The following MRPL37 variants were observed in gnomAD, a reference collection of about 807,000 sequenced individuals.
MRPL37 encodes large ribosomal subunit protein mL37.
A neutral mutation model predicts 44.1 loss-of-function variants in MRPL37; 34 were observed. That is an observed-to-expected ratio of 0.77 (90% CI 0.59 to 1.03). MRPL37 has a LOEUF of 1.03. Ranked by LOEUF, MRPL37 falls within the 50% of genes least tolerant of loss-of-function variation. MRPL37 has a pLI of 0.00. For missense variants in MRPL37, 532 were observed against 543.7 expected, an observed-to-expected ratio of 0.98 and a Z score of 0.21; for synonymous variants, 212 against 219.5, an observed-to-expected ratio of 0.97 and a Z score of 0.30.
chr1:54,210,578 C>T (rs1366437974), intron 4 of MRPL37, among the ~76,000 whole-genome samples: 1 of 152,136 alleles, frequency 6.6e-6, no homozygotes, highest in Non-Finnish European at 1.5e-5. Context: ...TTGAATGGGG[C>T]CATTAATCCA....
chr1:54,205,288 C>T lies in MRPL37; in HGVS notation c.531-7C>T. 1.9e-6 allele frequency: 3 copies of T among 1,611,730 alleles called. No homozygotes were observed. Among genetic ancestry groups the T allele is most frequent in the Non-Finnish European group, 2.5e-6 (3 of 1,178,352 alleles). ...TAAGTCCCCAAATGTCTCTTTTTGT[C>T]TTCAAGCCCGGTCATCGTGGACAAC... On this transcript the variant is annotated splice_polypyrimidine_tract_variant and splice_region_variant and intron_variant, in intron 2 of 6. Coordinates refer to ENST00000360840, the MANE Select transcript of MRPL37 (RefSeq NM_016491.4).
intron 1 of MRPL37, among the ~76,000 whole-genome samples, chr1:54,204,375 G>T (rs1644106182): frequency 1.3e-5 from 2 of 151,330 alleles, no homozygotes; most frequent in South Asian, 4.2e-4. Context: ...CAGCCTGGGC[G>T]ACAGAGCGAG....
Position 54,218,251 on chromosome 1 carries a change from C to T in MRPL37, c.*2C>T, listed in dbSNP as rs148209374. On this transcript the variant is annotated 3_prime_UTR_variant, in exon 7 of 7. Coordinates refer to ENST00000360840, the MANE Select transcript of MRPL37 (RefSeq NM_016491.4). ...CTATATTTGCATGGTGCTGCGTGAG[C>T]GGAGGACCCCTCTGAATCCTGAAAC... 115 of 1,614,192 alleles carry T rather than the reference C, an allele frequency of 7.1e-5. 1 individual carries two copies. The East Asian group carries it at 1.8e-3, about 25-fold the overall frequency.
downstream of MRPL37, among the ~76,000 whole-genome samples, chr1:54,221,591 C>G (rs1644234119): frequency 6.6e-6 from 1 of 152,196 alleles, no homozygotes; most frequent in African/African-American, 2.4e-5. Flanking sequence ...CTGCCATGTT[C>G]ACTCTCACAC....
intron 5 of MRPL37, 36 bp from the exon 6 acceptor site, chr1:54,216,104 CT>C (rs779784260): frequency 2.7e-5 from 44 of 1,611,042 alleles, no homozygotes; most frequent in Non-Finnish European, 3.7e-5. Flanking sequence ...CACTCCACAG[CT>C]TCTGATTTGT....
In MRPL37 at chr1:54,200,381, G is replaced by A. The variant is rs1452295745; in HGVS notation, c.138G>A (p.Leu46=). The part of the protein sequence containing the change: ...RSTRKSEPPP[L]DRVYEIPGLE... ...CGCGGAAGTCGGAGCCTCCTCCCCT[G>A]GATAGGGTGTACGAGATCCCTGGAC... The change falls in exon 1 of 7, where the codon CTG becomes CTA. Residue 46 remains leucine (L), a synonymous_variant. Coordinates refer to ENST00000360840, the MANE Select transcript of MRPL37 (RefSeq NM_016491.4). The A allele has an allele frequency of 6.2e-7, 1 of 1,614,110 alleles. No individual in the cohort carries two copies. Among genetic ancestry groups the A allele is most frequent in the African/African-American group, 1.3e-5 (1 of 74,954 alleles).
chr1:54,224,343 C>T (rs1644258910), downstream of MRPL37, among the ~76,000 whole-genome samples: 2 of 152,226 alleles, frequency 1.3e-5, no homozygotes, highest in Admixed American at 1.3e-4. Flanking sequence ...CTCCCCAACA[C>T]ACCCATTTGG....
downstream of MRPL37, among the ~76,000 whole-genome samples, chr1:54,222,948 G>C (rs370084025): frequency 2.0e-5 from 3 of 152,166 alleles, no homozygotes; most frequent in Non-Finnish European, 2.9e-5. Flanking sequence ...CAGCAAACAC[G>C]AGTGGATGGA....
intron 4 of MRPL37, among the ~76,000 whole-genome samples, chr1:54,211,447 G>A (rs1169456740): frequency 1.3e-5 from 2 of 151,720 alleles, no homozygotes; most frequent in African/African-American, 4.8e-5. Flanking sequence ...GGAGAGCCAT[G>A]CCTCCTCTAG....
intron 1 of MRPL37, among the ~76,000 whole-genome samples, chr1:54,202,473 T>G (rs1205285862): frequency 6.6e-6 from 1 of 152,172 alleles, no homozygotes; most frequent in Non-Finnish European, 1.5e-5. Flanking sequence ...AGACATGGTC[T>G]CTTTCCTTCC....
In MRPL37 at chr1:54,218,327, G is replaced by T. The variant is rs1397222183; in HGVS notation, c.*78G>T. 2 of 1,608,592 alleles carry T rather than the reference G, an allele frequency of 1.2e-6. No individual in the cohort carries two copies. The highest frequency in any genetic ancestry group is 8.5e-7 in the Non-Finnish European group (1 of 1,178,098). On this transcript the variant is annotated 3_prime_UTR_variant, in exon 7 of 7. Coordinates refer to ENST00000360840, the MANE Select transcript of MRPL37 (RefSeq NM_016491.4). ...AGGGCCTGGGCCCCGTGGAGCCTCA[G>T]TGCCCGTTTGGCCTGCTGCTCTCGC...
chr1:54,205,149 C>G lies in MRPL37; in HGVS notation c.478C>G (p.His160Asp). Residue 160 changes from histidine (H) to aspartate (D), a missense_variant, in exon 2 of 7, where the codon CAC becomes GAC. Coordinates refer to ENST00000360840, the MANE Select transcript of MRPL37 (RefSeq NM_016491.4). ...CGAGTGCGTTCTGAATGTGATCTCT[C>G]ACGCCCGTCTCTGGCAGACCACTGA... The part of the protein sequence containing the change: ...QDECVLNVIS[H>D]ARLWQTTEEI... 6.2e-7 allele frequency: 1 copy of G among 1,614,210 alleles called. No homozygotes were observed. Among genetic ancestry groups the G allele is most frequent in the Non-Finnish European group, 8.5e-7 (1 of 1,180,038 alleles).
At chr1:54,210,255 A>G (rs773455952) in intron 4 of MRPL37, 124 bp downstream of exon 4, 5 of 897,794 alleles carry the variant, frequency 5.6e-6, no homozygotes, top group Non-Finnish European at 8.5e-6. Flanking sequence ...CCTATCTCCT[A>G]GGATCCATGT....
At chr1:54,205,835 C>CA (rs561483366) in intron 3 of MRPL37, among the ~76,000 whole-genome samples, 76 of 152,252 alleles carry the variant, frequency 5.0e-4, no homozygotes, top group African/African-American at 1.8e-3. Context: ...TTCTAAAGTG[C>CA]AAGTCTTTAT....
chr1:54,210,077 T>C lies in MRPL37; in HGVS notation c.778T>C (p.Ser260Pro). 1 of 1,614,140 alleles carries C rather than the reference T, an allele frequency of 6.2e-7. No individual in the cohort carries two copies. The highest frequency in any genetic ancestry group is 8.5e-7 in the Non-Finnish European group (1 of 1,180,022). ...TGTTCTAGAGACCTTCTACCCCATA[T>C]CACCCATCATCGATCTTCATGAATG... The part of the protein sequence containing the change: ...NHVLETFYPI[S>P]PIIDLHECNI... The change falls in exon 4 of 7, where the codon TCA becomes CCA. Residue 260 changes from serine to proline, a missense_variant. By Grantham distance (74) the Ser-to-Pro change is moderately conservative (BLOSUM62 -1). Transcript: ENST00000360840.
chr1:54,221,277 A>T (rs759473209), downstream of MRPL37, among the ~76,000 whole-genome samples: 8 of 152,172 alleles, frequency 5.3e-5, no homozygotes, highest in Non-Finnish European at 7.3e-5. Context: ...GTGACAACCC[A>T]CAGGAGCAGG....
chr1:54,216,827 C>A (rs184560138), intron 6 of MRPL37, among the ~76,000 whole-genome samples: 1 of 152,218 alleles, frequency 6.6e-6, no homozygotes, highest in Non-Finnish European at 1.5e-5. Context: ...CATCAGAGCA[C>A]GATCACATTG....
At chr1:54,206,831 T>A (rs912874105) in intron 3 of MRPL37, among the ~76,000 whole-genome samples, 3 of 151,828 alleles carry the variant, frequency 2.0e-5, no homozygotes, top group Non-Finnish European at 4.4e-5. Flanking sequence ...GCATCCTGGG[T>A]TCAAGTGATT....
intron 4 of MRPL37, among the ~76,000 whole-genome samples, chr1:54,212,115 A>G (rs1644169355): frequency 6.6e-6 from 1 of 152,218 alleles, no homozygotes; most frequent in Non-Finnish European, 1.5e-5. Context: ...GTGTGCCAGA[A>G]TGAGAGAGAA....
Sources: gnomAD v4.1 joint callset for allele counts (sites outside exome capture counted in the v4.1 genomes callset) on GRCh38, gnomAD v4.1.1 for gene constraint, MANE v1.5 for transcripts, NCBI Gene and HGNC (gene_info 2026-07-23, HGNC 2026-07-21) for gene names.